ERG: variants seen among roughly 807,000 people sequenced by gnomAD.
ERG encodes ETS transcription factor ERG, also known as transcriptional regulator ERG.
In ERG, 9 loss-of-function variants were observed where a neutral mutation model predicts 55.3. That is an observed-to-expected ratio of 0.16 (90% CI 0.10 to 0.28). ERG has a LOEUF of 0.28. ERG is among the 10% of genes least tolerant of loss of function. ERG has a pLI of 1.00. For synonymous variants in ERG, 223 were observed against 237.3 expected, an observed-to-expected ratio of 0.94 and a Z score of 0.55; for missense variants, 434 against 631.6, an observed-to-expected ratio of 0.69 and a Z score of 3.35.
At chr21:38,622,698 C>T (rs528593787) in intron 1 of ERG, among the ~76,000 whole-genome samples, 1 of 148,484 alleles carries the variant, frequency 6.7e-6, no homozygotes, top group South Asian at 2.2e-4. Context: ...CACACATACA[C>T]ACCACACACA....
intron 1 of ERG, among the ~76,000 whole-genome samples, chr21:38,610,071 C>A (rs2060217110): frequency 6.6e-6 from 1 of 152,144 alleles, no homozygotes; most frequent in African/African-American, 2.4e-5. Context: ...AGATGAGAGG[C>A]CACAAGGGAA....
chr21:38,490,263 G>A (rs1260333557), intron 1 of ERG, among the ~76,000 whole-genome samples: 1 of 151,880 alleles, frequency 6.6e-6, no homozygotes, highest in Admixed American at 6.6e-5. Context: ...AAAAAAAAAA[G>A]GTAGGGGGAA....
At chr21:38,625,915 CTTTTTT>C (rs397797559) in intron 1 of ERG, among the ~76,000 whole-genome samples, 1 of 84,428 alleles carries the variant, frequency 1.2e-5, no homozygotes, top group Non-Finnish European at 2.1e-5. Context: ...ACTTGAAGCT[CTTTTTT>C]TTTTTTTTTT....
intron 2 of ERG, among the ~76,000 whole-genome samples, chr21:38,539,626 T>C (rs950849456): frequency 6.6e-6 from 1 of 152,200 alleles, no homozygotes; most frequent in Non-Finnish European, 1.5e-5. Flanking sequence ...AAATCATTGT[T>C]GTATTTTTTA....
chr21:38,504,883 T>C (rs1317494154), intron 2 of ERG, among the ~76,000 whole-genome samples: 1 of 152,242 alleles, frequency 6.6e-6, no homozygotes, highest in Non-Finnish European at 1.5e-5. Context: ...CTAAACAGCA[T>C]CACTTATTTT....
chr21:38,506,391 G>A (rs2059460942), intron 2 of ERG, among the ~76,000 whole-genome samples: 1 of 152,074 alleles, frequency 6.6e-6, no homozygotes, highest in Non-Finnish European at 1.5e-5. Flanking sequence ...GAGGAATATG[G>A]ATTATACTGT....
intron 1 of ERG, among the ~76,000 whole-genome samples, chr21:38,578,693 C>G (rs914203689): frequency 2.0e-5 from 3 of 152,176 alleles, no homozygotes; most frequent in African/African-American, 7.2e-5. Flanking sequence ...ATCCCATAGA[C>G]AACCAAAACC....
chr21:38,376,359 T>A (rs1339416913), downstream of ERG, among the ~76,000 whole-genome samples: 1 of 152,196 alleles, frequency 6.6e-6, no homozygotes. Flanking sequence ...CACTCAGTTG[T>A]TACTCTCGCT....
chr21:38,513,023 C>G (rs1247980448), intron 2 of ERG, among the ~76,000 whole-genome samples: 2 of 151,760 alleles, frequency 1.3e-5, no homozygotes, highest in African/African-American at 4.8e-5. Flanking sequence ...CCCAGCTACT[C>G]AGGAGGCTGA....
chr21:38,480,570 C>T (rs2059228342), intron 1 of ERG, among the ~76,000 whole-genome samples: 1 of 126,970 alleles, frequency 7.9e-6, no homozygotes, highest in South Asian at 2.6e-4. Flanking sequence ...AAAATTTTGC[C>T]ACTTTAGGGC....
chr21:38,572,654 C>T (rs1008797851), intron 2 of ERG, among the ~76,000 whole-genome samples: 1 of 152,162 alleles, frequency 6.6e-6, no homozygotes, highest in Non-Finnish European at 1.5e-5. Flanking sequence ...TACCTCGCAG[C>T]CAACATCAGC....
intron 1 of ERG, among the ~76,000 whole-genome samples, chr21:38,452,505 G>C (rs1371008444): frequency 6.6e-6 from 1 of 152,084 alleles, no homozygotes; most frequent in Non-Finnish European, 1.5e-5. Flanking sequence ...TACATACTAA[G>C]ATAATAAGGA....
intron 1 of ERG, chr21:38,474,073 A>T (rs773092387): frequency 6.6e-6 from 1 of 152,160 alleles, no homozygotes; most frequent in Non-Finnish European, 1.5e-5. Flanking sequence ...CAGCAATGAG[A>T]TCTTGGAGGG....
At chr21:38,424,670 T>C (rs1989736915) in intron 2 of ERG, among the ~76,000 whole-genome samples, 1 of 152,164 alleles carries the variant, frequency 6.6e-6, no homozygotes, top group East Asian at 1.9e-4. Flanking sequence ...TGGAACGACG[T>C]TCCTTCTCAA....
At chr21:38,431,884 C>A (rs1990230209) in intron 2 of ERG, among the ~76,000 whole-genome samples, 1 of 152,228 alleles carries the variant, frequency 6.6e-6, no homozygotes, top group Non-Finnish European at 1.5e-5. Flanking sequence ...TCCCTGCACA[C>A]AGTGCTCACA....
chr21:38,610,773 T>C (rs1419978747), intron 1 of ERG, among the ~76,000 whole-genome samples: 2 of 152,176 alleles, frequency 1.3e-5, no homozygotes, highest in African/African-American at 4.8e-5. Flanking sequence ...TCTAATGCAA[T>C]GCAACACCAA....
chr21:38,579,908 C>T (rs1419087411), intron 1 of ERG, among the ~76,000 whole-genome samples: 1 of 151,796 alleles, frequency 6.6e-6, no homozygotes, highest in Non-Finnish European at 1.5e-5. Flanking sequence ...GCAACCTCTG[C>T]CTCCCGGGTT....
At chr21:38,404,690 T>C (rs1376153577) in intron 3 of ERG, among the ~76,000 whole-genome samples, 1 of 152,192 alleles carries the variant, frequency 6.6e-6, no homozygotes, top group African/African-American at 2.4e-5. Context: ...ATTTCTCCTT[T>C]CTGTGTCTGT....
chr21:38,466,336 A>G (rs1247660717), intron 1 of ERG, among the ~76,000 whole-genome samples: 2 of 71,734 alleles, frequency 2.8e-5, no homozygotes, highest in South Asian at 4.2e-4. Flanking sequence ...TGTGTGTGAT[A>G]TAGATATGTA....
Sources: allele counts gnomAD v4.1 joint callset (sites outside exome capture counted in the v4.1 genomes callset), GRCh38; gene constraint gnomAD v4.1.1; transcripts MANE v1.5; gene names NCBI Gene and HGNC (gene_info 2026-07-23, HGNC 2026-07-21).